The following INO80D variants were observed in gnomAD, a reference collection of about 807,000 sequenced individuals.
INO80D encodes the protein INO80 complex subunit D.
Under a neutral mutation model 87.6 loss-of-function variants are expected in INO80D, and 21 were observed. The ratio of observed to expected loss-of-function variants is 0.24; its 90% CI spans 0.17 to 0.35. The LOEUF (loss-of-function observed/expected upper bound fraction) is 0.35. Ranked by LOEUF, INO80D falls within the 10% of genes least tolerant of loss-of-function variation. The probability of loss-of-function intolerance (pLI) is 1.00; values close to 1 mark genes in which losing one functional copy is unlikely to be tolerated. For synonymous variants in INO80D, 440 were observed against 491.0 expected (o/e 0.90, Z 1.37); for missense variants, 982 against 1,280.7 (o/e 0.77, Z 3.56).
At chr2:206,082,101 A>ACCT (rs1338866835) in intron 1 of INO80D, among the ~76,000 whole-genome samples, 1 of 152,032 alleles carries the variant, frequency 6.6e-6, no homozygotes, top group Admixed American at 6.6e-5. Flanking sequence ...GCTCACTGCA[A>ACCT]CCTCCGCCTC....
intron 5 of INO80D, among the ~76,000 whole-genome samples, chr2:206,028,833 A>T (rs996317783): frequency 1.3e-4 from 20 of 152,098 alleles, no homozygotes; most frequent in African/African-American, 4.6e-4. Flanking sequence ...TAACCACCTA[A>T]AGAAATTTGG....
intron 8 of INO80D, among the ~76,000 whole-genome samples, chr2:206,015,623 G>A (rs1310143772): frequency 3.9e-5 from 6 of 152,184 alleles, no homozygotes; most frequent in Non-Finnish European, 5.9e-5. Flanking sequence ...GGTGGCTCAC[G>A]CCTGTAATCT....
intron 8 of INO80D, among the ~76,000 whole-genome samples, chr2:206,013,645 T>A (rs978704844): frequency 1.3e-5 from 2 of 152,042 alleles, no homozygotes; most frequent in African/African-American, 4.8e-5. Flanking sequence ...TACTTAACAG[T>A]ATCTTCCTCA....
At chr2:206,054,271 C>T (rs1689455081) in intron 4 of INO80D, among the ~76,000 whole-genome samples, 1 of 151,826 alleles carries the variant, frequency 6.6e-6, no homozygotes, top group South Asian at 2.1e-4. Context: ...ATCCTCCCAC[C>T]TCGGCCTCCC....
intron 10 of INO80D, among the ~76,000 whole-genome samples, chr2:206,006,435 C>A (rs1688025687): frequency 6.6e-6 from 1 of 152,154 alleles, no homozygotes; most frequent in Non-Finnish European, 1.5e-5. Context: ...GTAATCCCAG[C>A]ACGTTGGGAG....
intron 5 of INO80D, among the ~76,000 whole-genome samples, chr2:206,043,608 C>A (rs1000213995): frequency 6.6e-6 from 1 of 152,178 alleles, no homozygotes; most frequent in African/African-American, 2.4e-5. Flanking sequence ...CTGCCTCAGC[C>A]TCCCAAGTAG....
chr2:206,054,184 T>C (rs922210931), intron 4 of INO80D, among the ~76,000 whole-genome samples: 3 of 133,020 alleles, frequency 2.3e-5, no homozygotes, highest in African/African-American at 8.3e-5. Flanking sequence ...TTTTCTTTTC[T>C]TTTTTTTTTT....
intron 1 of INO80D, among the ~76,000 whole-genome samples, chr2:206,080,689 CG>C (rs1690252773): frequency 6.6e-6 from 1 of 151,982 alleles, no homozygotes; most frequent in South Asian, 2.1e-4. Context: ...GGGCGGATCA[CG>C]AGGTCAGGAG....
intron 1 of INO80D, among the ~76,000 whole-genome samples, chr2:206,071,974 G>C (rs1689983821): frequency 6.6e-6 from 1 of 152,050 alleles, no homozygotes; most frequent in African/African-American, 2.4e-5. Context: ...GCTGCTTGCT[G>C]CCAGTTTCTC....
rs185610359 is a variant in INO80D, at chr2:206,061,412, A to G, written c.218+1387T>C. On this transcript the variant is annotated intron_variant, in intron 3 of 10. Transcript: ENST00000403263. ...GCTAATTTTAAGACAAAATTTTAGA[A>G]ATGTGTTTACGATGGGGCTTGATGT... Among the ~76,000 whole-genome samples the G allele has an allele frequency of 4.8e-4, 73 of 152,358 alleles. 2 individuals are homozygous for G. The East Asian group carries it at 0.012, about 25-fold the overall frequency.
chr2:206,052,120 G>A (rs1178326223), intron 4 of INO80D, among the ~76,000 whole-genome samples: 1 of 152,220 alleles, frequency 6.6e-6, no homozygotes, highest in Non-Finnish European at 1.5e-5. Flanking sequence ...CATGACAGCT[G>A]TCCTGAGGAA....
At chr2:206,013,829 G>A (rs1488973392) in intron 8 of INO80D, among the ~76,000 whole-genome samples, 1 of 138,928 alleles carries the variant, frequency 7.2e-6, no homozygotes, top group Non-Finnish European at 1.5e-5. Flanking sequence ...CCTTAGCTAT[G>A]ACAAAGCCTG....
intron 1 of INO80D, among the ~76,000 whole-genome samples, chr2:206,077,119 A>C (rs1690140604): frequency 6.6e-6 from 1 of 151,172 alleles, no homozygotes; most frequent in Admixed American, 6.6e-5. Context: ...TAAAAATACA[A>C]AAAAAAAATT....
intron 4 of INO80D, among the ~76,000 whole-genome samples, chr2:206,053,825 C>T (rs1456055020): frequency 6.6e-6 from 1 of 150,718 alleles, no homozygotes; most frequent in Admixed American, 6.7e-5. Flanking sequence ...GGACACATCC[C>T]GGTCAAAAGA....
chr2:206,058,699 A>G (rs1689600533), intron 3 of INO80D, among the ~76,000 whole-genome samples: 1 of 152,196 alleles, frequency 6.6e-6, no homozygotes, highest in Non-Finnish European at 1.5e-5. Context: ...GCACCACTGC[A>G]TTCCAGCCTG....
intron 1 of INO80D, among the ~76,000 whole-genome samples, chr2:206,079,922 C>G (rs920498238): frequency 1.3e-5 from 2 of 152,202 alleles, no homozygotes; most frequent in Admixed American, 1.3e-4. Context: ...TTCCTACTTA[C>G]AGGTCACACC....
At position 206,003,141 on chromosome 2, in the gene INO80D, A is replaced by G. The variant is rs776860996; in HGVS notation, c.*1227T>C. Reference sequence around the variant, plus strand: ...GGACCAAAGGGCGAATAAAATTTATATCTAATTTCCATATTCTGCTTTGAA... The same window carrying G: ...GGACCAAAGGGCGAATAAAATTTATGTCTAATTTCCATATTCTGCTTTGAA... On this transcript the variant is annotated 3_prime_UTR_variant, in exon 11 of 11. Coordinates refer to ENST00000403263, the MANE Select transcript of INO80D (RefSeq NM_017759.5). 6.6e-6 allele frequency: 1 copy of G among 152,218 alleles called. No homozygotes were observed. The highest frequency in any genetic ancestry group is 1.5e-5 in the Non-Finnish European group (1 of 68,030). The allele number at this position is 152,218 out of a possible 1,614,324, so 9.4% of individuals were successfully genotyped here.
chr2:206,080,736 T>C (rs901644801), intron 1 of INO80D, among the ~76,000 whole-genome samples: 8 of 151,472 alleles, frequency 5.3e-5, no homozygotes, highest in African/African-American at 1.9e-4. Context: ...TGAAACCCCG[T>C]CTCTACTAAA....
At position 206,046,428 on chromosome 2, in the gene INO80D, A is replaced by G. The variant is rs1038058878; in HGVS notation, c.1073+76T>C. ...GGTGGCAGTAAGCTGAGATCACACC[A>G]CTGCACTCCAGCCTGGGTGACAGAG... On this transcript the variant is annotated intron_variant, in intron 5 of 10. Coordinates refer to ENST00000403263, the MANE Select transcript of INO80D (RefSeq NM_017759.5). 5 of 969,048 alleles carry G rather than the reference A, an allele frequency of 5.2e-6. No individual in the cohort carries two copies. In the Admixed American group the frequency reaches 9.1e-5, roughly 18 times the overall value. 60.0% of individuals were successfully genotyped at this position (969,048 alleles called of 1,614,324 possible).
Sources: allele counts gnomAD v4.1 joint callset (sites outside exome capture counted in the v4.1 genomes callset), GRCh38; gene constraint gnomAD v4.1.1; transcripts MANE v1.5; gene names NCBI Gene and HGNC (gene_info 2026-07-23, HGNC 2026-07-21).